The following MED12L variants were observed in gnomAD, a reference collection of about 807,000 sequenced individuals.
The protein encoded by MED12L is mediator of RNA polymerase II transcription subunit 12-like protein.
MED12L carries 60 observed loss-of-function variants against 281.3 expected under a neutral mutation model. The ratio of observed to expected loss-of-function variants is 0.21; its 90% CI spans 0.17 to 0.26. MED12L has a LOEUF of 0.26. Among genes scored for constraint, MED12L ranks in the 10% least tolerant of loss-of-function variants. The pLI is 1.00. For synonymous variants in MED12L, 974 were observed against 987.2 expected, an observed-to-expected ratio of 0.99 and a Z score of 0.25; for missense variants, 2,146 against 2,680.9, an observed-to-expected ratio of 0.80 and a Z score of 4.41.
At chr3:151,338,691 T>C (rs763377288) in intron 16 of MED12L, 4 of 1,613,612 alleles carry the variant, frequency 2.5e-6, no homozygotes, top group Non-Finnish European at 2.5e-6. Context: ...ACTCCGGATT[T>C]GAAAGAAAAT....
chr3:151,415,492 G>T (rs1370536825), intron 42 of MED12L, among the ~76,000 whole-genome samples: 1 of 152,244 alleles, frequency 6.6e-6, no homozygotes, highest in Non-Finnish European at 1.5e-5. Flanking sequence ...TTGTCACTTA[G>T]TGAGACATGC....
At chr3:151,123,632 C>T (rs1198633938) in intron 4 of MED12L, among the ~76,000 whole-genome samples, 4 of 152,154 alleles carry the variant, frequency 2.6e-5, no homozygotes, top group South Asian at 2.1e-4. Context: ...CTAGAAACCT[C>T]GCTTATAGTC....
intron 11 of MED12L, among the ~76,000 whole-genome samples, chr3:151,175,330 G>T (rs1388705442): frequency 6.6e-6 from 1 of 152,136 alleles, no homozygotes; most frequent in Non-Finnish European, 1.5e-5. Flanking sequence ...CTAAGTGATT[G>T]ATTTCATTTA....
intron 14 of MED12L, 45 bp downstream of exon 14, chr3:151,190,976 C>T: frequency 6.5e-7 from 1 of 1,539,432 alleles, no homozygotes; most frequent in Non-Finnish European, 9.0e-7. Context: ...AAACTAAACT[C>T]TACTGGGAAC....
chr3:151,174,693 CA>C, intron 11 of MED12L, among the ~76,000 whole-genome samples: 1 of 152,230 alleles, frequency 6.6e-6, no homozygotes, highest in Middle Eastern at 3.4e-3. Flanking sequence ...TGTATATATG[CA>C]AAATATTTTT....
intron 16 of MED12L, chr3:151,212,386 T>C (rs1372631696): frequency 1.3e-5 from 2 of 152,244 alleles, no homozygotes; most frequent in East Asian, 3.8e-4. Context: ...ATGTAAATTT[T>C]AGATTTAAAA....
At chr3:151,171,136 T>A (rs987262015) in intron 11 of MED12L, among the ~76,000 whole-genome samples, 22 of 152,304 alleles carry the variant, frequency 1.4e-4, no homozygotes, top group Admixed American at 9.8e-4. Context: ...TTGTTTAGTG[T>A]TTCAGAGCCA....
chr3:151,173,452 A>G (rs1721672815), intron 11 of MED12L, among the ~76,000 whole-genome samples: 1 of 152,240 alleles, frequency 6.6e-6, no homozygotes. Flanking sequence ...TTTTGGAAAA[A>G]AGAGGAAGAC....
At chr3:151,198,848 G>T in intron 16 of MED12L, 1 of 1,613,564 alleles carries the variant, frequency 6.2e-7, no homozygotes, top group Non-Finnish European at 8.5e-7. Flanking sequence ...TATGAAATTT[G>T]TCAGCAAATG....
At chr3:151,299,347 TCCTTCC>T (rs1745547597) in intron 16 of MED12L, among the ~76,000 whole-genome samples, 1 of 149,496 alleles carries the variant, frequency 6.7e-6, no homozygotes, top group South Asian at 2.1e-4. Context: ...TTTCTTTCCT[TCCTTCC>T]TTCTTTCTTT....
At chr3:151,412,819 G>A (rs1387999785) in intron 41 of MED12L, among the ~76,000 whole-genome samples, 1 of 152,160 alleles carries the variant, frequency 6.6e-6, no homozygotes, top group Non-Finnish European at 1.5e-5. Flanking sequence ...AGTAAATGAA[G>A]TAACACATTT....
intron 27 of MED12L, among the ~76,000 whole-genome samples, chr3:151,373,001 A>G (rs1408768822): frequency 1.3e-5 from 2 of 152,186 alleles, no homozygotes; most frequent in East Asian, 3.8e-4. Context: ...TGTAATTTGT[A>G]TGTGGAGATG....
chr3:151,425,425 A>G, intron 43 of MED12L: 2 of 255,978 alleles, frequency 7.8e-6, no homozygotes, highest in Non-Finnish European at 1.6e-5. Flanking sequence ...TTAGAGACAG[A>G]GGCTCAATCT....
intron 34 of MED12L, 57 bp from the exon 35 acceptor site, chr3:151,384,026 T>C (rs769637926): frequency 1.2e-5 from 18 of 1,553,348 alleles, no homozygotes; most frequent in Non-Finnish European, 1.4e-5. Context: ...AAATACTCAG[T>C]TAAATAAGTG....
chr3:151,416,368 G>A lies in MED12L; in HGVS notation c.6354G>A (p.Ser2118=), dbSNP rs201070398. Residue 2118 remains serine (S), a synonymous_variant, in exon 43 of 45, where the codon TCG becomes TCA. Coordinates refer to ENST00000687756, the MANE Select transcript of MED12L (RefSeq NM_001393769.1). The part of the protein sequence containing the change: ...PQQPPQPQQS[S]QSQSQTLGLQ... ...AGCCTCCCCAGCCCCAGCAGTCCTC[G>A]CAGTCCCAGAGTCAGACCCTTGGTC... 7.8e-5 allele frequency: 122 copies of A among 1,560,964 alleles called. No homozygotes were observed. Among genetic ancestry groups the A allele is most frequent in the Admixed American group, 3.8e-4 (22 of 57,918 alleles).
chr3:151,408,113 A>G (rs1716537873), intron 39 of MED12L, among the ~76,000 whole-genome samples: 1 of 152,212 alleles, frequency 6.6e-6, no homozygotes, highest in African/African-American at 2.4e-5. Flanking sequence ...AGTTTAGATC[A>G]TGGCACTGCC....
At chr3:151,383,081 C>T (rs576278453) in intron 33 of MED12L, among the ~76,000 whole-genome samples, 1 of 152,322 alleles carries the variant, frequency 6.6e-6, no homozygotes, top group Admixed American at 6.5e-5. Flanking sequence ...TTACTTAAAA[C>T]CATTTAAAAA....
Position 151,087,541 on chromosome 3 carries a change from A to C in MED12L, c.99+516A>C, listed in dbSNP as rs185039374. Among the ~76,000 whole-genome samples, 81 of 152,332 alleles carry C rather than the reference A, an allele frequency of 5.3e-4. 1 individual carries two copies. Among genetic ancestry groups the C allele is most frequent in the African/African-American group, 1.8e-3 (76 of 41,578 alleles). On this transcript the variant is annotated intron_variant, in intron 2 of 44. Coordinates refer to ENST00000687756, the MANE Select transcript of MED12L (RefSeq NM_001393769.1). ...AAGTGATAAATATTTAGCTCTCTGA[A>C]TATACCTCTGTAACCCTTCTGCCCT...
At chr3:151,432,324 C>A (rs904250478) in intron 44 of MED12L, among the ~76,000 whole-genome samples, 3 of 152,196 alleles carry the variant, frequency 2.0e-5, no homozygotes, top group African/African-American at 4.8e-5. Flanking sequence ...GTTGTACATA[C>A]CTTATGGCTA....
Sources: allele counts gnomAD v4.1 joint callset (sites outside exome capture counted in the v4.1 genomes callset), GRCh38; gene constraint gnomAD v4.1.1; transcripts MANE v1.5; gene names NCBI Gene and HGNC (gene_info 2026-07-23, HGNC 2026-07-21).